The following UGT2B17 variants were observed in gnomAD, a reference collection of about 807,000 sequenced individuals.
The protein encoded by UGT2B17 is UDP glucuronosyltransferase family 2 member B17.
Under a neutral mutation model 48.2 loss-of-function variants are expected in UGT2B17, and 21 were observed. The ratio of observed to expected loss-of-function variants is 0.44; its 90% CI spans 0.31 to 0.63. The LOEUF (loss-of-function observed/expected upper bound fraction) is 0.63, where lower values mean the gene tolerates loss of function less well. UGT2B17 is among the 20% of genes least tolerant of loss of function. UGT2B17 has a pLI of 0.08. For missense variants in UGT2B17, 402 were observed against 696.1 expected, an observed-to-expected ratio of 0.58 and a Z score of 4.75; for synonymous variants, 146 against 238.4, an observed-to-expected ratio of 0.61 and a Z score of 3.57.
intron 6 of UGT2B17, among the ~76,000 whole-genome samples, chr4:68,541,884 C>T (rs956288130): frequency 1.6e-5 from 2 of 126,588 alleles, no homozygotes; most frequent in African/African-American, 5.4e-5. Flanking sequence ...TTCCCCAGCA[C>T]CATTTATTAA....
At chr4:68,562,563 T>C (rs1229655040) in intron 3 of UGT2B17, among the ~76,000 whole-genome samples, 1 of 126,146 alleles carries the variant, frequency 7.9e-6, no homozygotes, top group African/African-American at 2.7e-5. Flanking sequence ...AAAGTCTTCT[T>C]CATCCACCAA....
In UGT2B17 at chr4:68,569,880, C is replaced by T. The variant is rs1329149114; in HGVS notation, c.-64-1332G>A. ...AGGCACTCATTAAAACAGCACGCTG[C>T]TCCGCACTGCCTCGTGTTGTCTGTT... is the stretch of plus-strand genomic sequence containing the variant. On this transcript the variant is annotated intron_variant, in intron 1 of 6. Transcript: ENST00000317746. Among the ~76,000 whole-genome samples, 2 of 126,700 alleles carry T rather than the reference C, an allele frequency of 1.6e-5. 1 individual carries two copies. The highest frequency in any genetic ancestry group is 5.4e-5 in the African/African-American group (2 of 36,990). 83.1% of individuals were successfully genotyped at this position (126,700 alleles called of 152,430 possible). A position where few individuals can be genotyped will look rare whatever the true frequency, so the allele number is the denominator to read the frequency against.
chr4:68,568,043 C>T lies in UGT2B17; in HGVS notation c.442G>A (p.Val148Ile), dbSNP rs768626574. The change falls in exon 2 of 7, where the codon GTC becomes ATC. Residue 148 changes from valine to isoleucine, a missense_variant. Coordinates refer to ENST00000317746, the MANE Select transcript of UGT2B17 (RefSeq NM_001077.4). ...MRKLQESKFD[V>I]LLADAVNPCG... Reference sequence around the variant, plus strand: ...GGATTAACGGCATCTGCCAGAAGGACATCAAATTTTGACTCTTGTAGTTTT... The same window carrying T: ...GGATTAACGGCATCTGCCAGAAGGATATCAAATTTTGACTCTTGTAGTTTT... 5.1e-5 allele frequency: 71 copies of T among 1,382,806 alleles called. 20 individuals are homozygous for T. Among genetic ancestry groups the T allele is most frequent in the Non-Finnish European group, 6.3e-5 (66 of 1,055,494 alleles). The allele number at this position is 1,382,806 out of a possible 1,614,324, so 85.7% of individuals were successfully genotyped here.
At chr4:68,550,183 G>T (rs1347042980) in intron 6 of UGT2B17, among the ~76,000 whole-genome samples, 2 of 124,396 alleles carry the variant, frequency 1.6e-5, no homozygotes, top group African/African-American at 5.5e-5. Flanking sequence ...GTTATTTAGG[G>T]TTGTGGCTTC....
chr4:68,571,110 G>T (rs751618904), intron 1 of UGT2B17, among the ~76,000 whole-genome samples: 1 of 125,200 alleles, frequency 8.0e-6, no homozygotes, highest in South Asian at 3.6e-4. Context: ...CATATGATTC[G>T]GTTGAGCATG....
At chr4:68,559,284 C>T (rs1731059992) in intron 4 of UGT2B17, among the ~76,000 whole-genome samples, 1 of 125,936 alleles carries the variant, frequency 7.9e-6, no homozygotes, top group Non-Finnish European at 1.7e-5. Flanking sequence ...TAAATTCAGA[C>T]TATTATCAGT....
intron 6 of UGT2B17, among the ~76,000 whole-genome samples, chr4:68,546,082 A>G (rs375284619): frequency 2.4e-5 from 3 of 126,022 alleles, no homozygotes; most frequent in Admixed American, 8.1e-5. Context: ...TATGAGGCCA[A>G]CATCATCCTG....
At chr4:68,538,340 A>G (rs1350011132) in intron 6 of UGT2B17, among the ~76,000 whole-genome samples, 1 of 124,390 alleles carries the variant, frequency 8.0e-6, no homozygotes, top group African/African-American at 2.8e-5. Context: ...GTCTCAGGTA[A>G]TCCTCCACCT....
In UGT2B17 at chr4:68,552,941, A is replaced by G. The variant is rs1730942114; in HGVS notation, c.1006-1030T>C. On this transcript the variant is annotated intron_variant, in intron 4 of 6. Transcript: ENST00000317746. The stretch of plus-strand genomic sequence containing the variant: ...AGGTAACTCTATGGAGTTTGAGCTC[A>G]CTCCCAGGAGGGAGGATAAATTTGA... Among the ~76,000 whole-genome samples, 2 of 123,682 alleles carry G rather than the reference A, an allele frequency of 1.6e-5. 1 individual carries two copies. Among genetic ancestry groups the G allele is most frequent in the African/African-American group, 5.5e-5 (2 of 36,134 alleles). 81.1% of individuals were successfully genotyped at this position (123,682 alleles called of 152,430 possible). A position where few individuals can be genotyped will look rare whatever the true frequency, so the allele number is the denominator to read the frequency against.
chr4:68,550,899 A>G lies in UGT2B17; in HGVS notation c.1094-3T>C. ...AAAAGCTTTGGTTTTGGGATGACCT[A>G]AAAGTGGATGCATTTTAACAAAGTT... is the stretch of plus-strand genomic sequence containing the variant. On this transcript the variant is annotated splice_polypyrimidine_tract_variant and splice_region_variant and intron_variant, in intron 5 of 6. Transcript: ENST00000317746. 1 of 1,353,272 alleles carries G rather than the reference A, an allele frequency of 7.4e-7. No homozygotes were observed. Among genetic ancestry groups the G allele is most frequent in the Non-Finnish European group, 9.7e-7 (1 of 1,036,142 alleles). 83.8% of individuals were successfully genotyped at this position (1,353,272 alleles called of 1,614,324 possible).
chr4:68,554,177 G>T lies in UGT2B17; in HGVS notation c.1006-2266C>A, dbSNP rs530166620. ...ACACACTGTGGAGTACTGCCCACAA[G>T]CAGCACACATTGATTCACCACACAT... On this transcript the variant is annotated intron_variant, in intron 4 of 6. Transcript: ENST00000317746. Among the ~76,000 whole-genome samples the T allele has an allele frequency of 5.6e-4, 70 of 124,868 alleles. 10 individuals carry two copies. The highest frequency in any genetic ancestry group is 1.9e-3 in the African/African-American group (70 of 36,602). The allele number at this position is 124,868 out of a possible 152,430, so 81.9% of individuals were successfully genotyped here.
intron 2 of UGT2B17, among the ~76,000 whole-genome samples, chr4:68,566,184 T>A (rs10029653): frequency 8.6e-6 from 1 of 116,628 alleles, no homozygotes; most frequent in African/African-American, 2.9e-5. Context: ...TAATTTAATA[T>A]AATGTAAATA....
intron 3 of UGT2B17, among the ~76,000 whole-genome samples, chr4:68,562,422 T>C (rs1192143349): frequency 1.6e-5 from 2 of 126,054 alleles, no homozygotes; most frequent in Non-Finnish European, 3.4e-5. Flanking sequence ...CTGATATCAG[T>C]TTTAATTGGA....
At position 68,548,602 on chromosome 4, in the gene UGT2B17, C is replaced by G. The variant is rs116832500; in HGVS notation, c.1313+2075G>C. Among the ~76,000 whole-genome samples the G allele has an allele frequency of 7.2e-5, 9 of 124,778 alleles. 1 individual carries two copies. Among genetic ancestry groups the G allele is most frequent in the Admixed American group, 1.7e-4 (2 of 12,030 alleles). The allele number at this position is 124,778 out of a possible 152,430, so 81.9% of individuals were successfully genotyped here. A position where few individuals can be genotyped will look rare whatever the true frequency, so the allele number is the denominator to read the frequency against. On this transcript the variant is annotated intron_variant, in intron 6 of 6. Coordinates refer to ENST00000317746, the MANE Select transcript of UGT2B17 (RefSeq NM_001077.4). ...AAAAAAATTACTTTGGGCAGCATGG[C>G]CATTTTTACAATTCTGATTTTTTTA...
rs962621998 is a variant in UGT2B17 at position 68,561,293 on chromosome 4, C to T, written c.874-625G>A. Reference sequence around the variant, plus strand: ...CCCTCACTTCCCCCGACACCCCCACCCCCAAAAAACACCTTAAAAGCTGAA... The same window carrying T: ...CCCTCACTTCCCCCGACACCCCCACTCCCAAAAAACACCTTAAAAGCTGAA... On this transcript the variant is annotated intron_variant, in intron 3 of 6. Coordinates refer to ENST00000317746, the MANE Select transcript of UGT2B17 (RefSeq NM_001077.4). Among the ~76,000 whole-genome samples the T allele has an allele frequency of 1.7e-5, 2 of 121,158 alleles. 1 individual carries two copies. The highest frequency in any genetic ancestry group is 5.7e-5 in the African/African-American group (2 of 35,318). The allele number at this position is 121,158 out of a possible 152,430, so 79.5% of individuals were successfully genotyped here.
At position 68,565,959 on chromosome 4, in the gene UGT2B17, T is replaced by C. The variant is rs1200676387; in HGVS notation, c.725-239A>G. Among the ~76,000 whole-genome samples, 4 of 118,968 alleles carry C rather than the reference T, an allele frequency of 3.4e-5. 2 individuals are homozygous for C. The highest frequency in any genetic ancestry group is 6.9e-5 in the Non-Finnish European group (4 of 58,034). 78.0% of individuals were successfully genotyped at this position (118,968 alleles called of 152,430 possible). On this transcript the variant is annotated intron_variant, in intron 2 of 6. Transcript: ENST00000317746. ...TTAAATACATTATATTAAATTAATG[T>C]ATTTAATATATGTTAATATATTTTA... is the stretch of plus-strand genomic sequence containing the variant.
rs1169043141 is a variant in UGT2B17, at chr4:68,567,567, G to C, written c.724+194C>G. Among the ~76,000 whole-genome samples, 3 of 125,104 alleles carry C rather than the reference G, an allele frequency of 2.4e-5. 1 individual carries two copies. Among genetic ancestry groups the C allele is most frequent in the Non-Finnish European group, 5.1e-5 (3 of 59,248 alleles). The allele number at this position is 125,104 out of a possible 152,430, so 82.1% of individuals were successfully genotyped here. On this transcript the variant is annotated intron_variant, in intron 2 of 6. Transcript: ENST00000317746. ...ATGACTCTCTTGGTGTCCTATAGCA[G>C]TGATGGCACCAGGGTTCTAACTGAT...
chr4:68,545,057 C>T (rs2109761240), intron 6 of UGT2B17, among the ~76,000 whole-genome samples: 1 of 125,668 alleles, frequency 8.0e-6, no homozygotes, highest in Middle Eastern at 3.9e-3. Flanking sequence ...TTGAACTCAG[C>T]TCTGCACGAA....
intron 3 of UGT2B17, among the ~76,000 whole-genome samples, chr4:68,561,516 T>C (rs1731102889): frequency 8.0e-6 from 1 of 124,458 alleles, no homozygotes; most frequent in Non-Finnish European, 1.7e-5. Context: ...TGATGTGCTA[T>C]TTATAACTTA....
Sources: gnomAD v4.1 joint callset for allele counts (sites outside exome capture counted in the v4.1 genomes callset) on GRCh38, gnomAD v4.1.1 for gene constraint, MANE v1.5 for transcripts, NCBI Gene and HGNC (gene_info 2026-07-23, HGNC 2026-07-21) for gene names.